Variants in CAMKV observed in about 807,000 individuals in gnomAD.
The protein encoded by CAMKV is caM kinase-like vesicle-associated protein.
Under a neutral mutation model 50.2 loss-of-function variants are expected in CAMKV, and 5 were observed. The ratio of observed to expected loss-of-function variants is 0.10; its 90% confidence interval spans 0.05 to 0.21. The LOEUF (loss-of-function observed/expected upper bound fraction) is 0.21. Among genes scored for constraint, CAMKV ranks in the 10% least tolerant of loss-of-function variants. The pLI is 1.00. For synonymous variants in CAMKV, 229 were observed against 250.1 expected (o/e 0.92, Z 0.80); for missense variants, 361 against 650.5 (o/e 0.55, Z 4.84).
chr3:49,863,125 T>C (rs1219344443), intron 1 of CAMKV, among the ~76,000 whole-genome samples: 2 of 152,216 alleles, frequency 1.3e-5, no homozygotes, highest in Non-Finnish European at 1.5e-5. Context: ...TTACACAGTG[T>C]TAAGTGCAAA....
intron 1 of CAMKV, chr3:49,863,762 C>T (rs2108331413): frequency 6.6e-6 from 1 of 152,468 alleles, no homozygotes; most frequent in African/African-American, 2.4e-5. Context: ...AAGCGATCCT[C>T]CCACCTCAGC....
At position 49,861,608 on chromosome 3, in the gene CAMKV, G is replaced by A; in HGVS notation, c.303-31C>T. ...GGACACCAGCCCCTGAGCCTGGCGTGGGCAGAATCAGGGGTAGGGCAGGAG... is the reference window on the plus strand; with the variant it reads ...GGACACCAGCCCCTGAGCCTGGCGTAGGCAGAATCAGGGGTAGGGCAGGAG... On this transcript the variant is annotated intron_variant, in intron 4 of 10. Transcript: ENST00000477224. This position sits in a 1 kb window ranked among gnomAD's most constrained non-coding sequence, Gnocchi z 7.7. 1 of 1,613,776 alleles carries A rather than the reference G, an allele frequency of 6.2e-7. No individual in the cohort carries two copies. The highest frequency in any genetic ancestry group is 8.5e-7 in the Non-Finnish European group (1 of 1,179,908).
Position 49,861,897 on chromosome 3 carries a change from G to T in CAMKV, c.228-32C>A, listed in dbSNP as rs1575407057. 2 of 1,612,068 alleles carry T rather than the reference G, an allele frequency of 1.2e-6. No homozygotes were observed. Among genetic ancestry groups the T allele is most frequent in the East Asian group, 4.5e-5 (2 of 44,798 alleles). On this transcript the variant is annotated intron_variant, in intron 3 of 10. Transcript: ENST00000477224. This position sits in a 1 kb window ranked among gnomAD's most constrained non-coding sequence, Gnocchi z 7.7. ...ACAGGGAGGGGAGCCAGTAGTTAGG[G>T]CTGGATGAACCCCTGGGAGAGGCTG... is the stretch of plus-strand genomic sequence containing the variant.
chr3:49,864,357 C>A (rs1037648146), intron 1 of CAMKV, among the ~76,000 whole-genome samples: 3 of 152,156 alleles, frequency 2.0e-5, no homozygotes, highest in Non-Finnish European at 4.4e-5. Flanking sequence ...CCACTGGGGC[C>A]CACAGGGGAC....
rs187598653 is a variant in CAMKV, at chr3:49,861,987, C to T, written c.227+58G>A. 8 of 1,611,562 alleles carry T rather than the reference C, an allele frequency of 5.0e-6. No individual in the cohort carries two copies. Among genetic ancestry groups the T allele is most frequent in the Admixed American group, 1.7e-5 (1 of 59,804 alleles). On this transcript the variant is annotated intron_variant, in intron 3 of 10. Coordinates refer to ENST00000477224, the MANE Select transcript of CAMKV (RefSeq NM_024046.5). The surrounding 1 kb of genome is among the most constrained non-coding windows in gnomAD (Gnocchi z 7.7). ...GCTGGGACTGCCTGAGGCCACTTGC[C>T]CTCTAAGCCCTTCCCTGCTGCCTCC...
chr3:49,860,332 G>T lies in CAMKV; in HGVS notation c.855-74C>A. On this transcript the variant is annotated intron_variant, in intron 9 of 10. Transcript: ENST00000477224. This position sits in a 1 kb window ranked among gnomAD's most constrained non-coding sequence, Gnocchi z 6.1. ...GAGACTCTGCTCAGCCCTTCTATGT[G>T]GCATCCAGGGACTACCAGGCAGAGC... 1 of 1,540,630 alleles carries T rather than the reference G, an allele frequency of 6.5e-7. No individual in the cohort carries two copies. The highest frequency in any genetic ancestry group is 9.0e-7 in the Non-Finnish European group (1 of 1,114,248).
rs1431122845 is a variant in CAMKV at position 49,860,367 on chromosome 3, G to T, written c.854+104C>A. 2.6e-6 allele frequency: 4 copies of T among 1,525,722 alleles called. No individual in the cohort carries two copies. Among genetic ancestry groups the T allele is most frequent in the East Asian group, 2.3e-5 (1 of 44,264 alleles). 94.5% of individuals were successfully genotyped at this position (1,525,722 alleles called of 1,614,324 possible). On this transcript the variant is annotated intron_variant, in intron 9 of 10. Transcript: ENST00000477224. This position sits in a 1 kb window ranked among gnomAD's most constrained non-coding sequence, Gnocchi z 6.1. ...GACTACCAGGCAGAGCCTCTGGGCTGCCCTGAGCTCTAGGTACCTGCACCC... is the reference window on the plus strand; with the variant it reads ...GACTACCAGGCAGAGCCTCTGGGCTTCCCTGAGCTCTAGGTACCTGCACCC...
chr3:49,858,918 G>T lies in CAMKV; in HGVS notation c.*400C>A. 5.4e-6 allele frequency: 1 copy of T among 186,664 alleles called. No individual in the cohort carries two copies. Among genetic ancestry groups the T allele is most frequent in the Non-Finnish European group, 1.1e-5 (1 of 88,946 alleles). The allele number at this position is 186,664 out of a possible 1,614,324, so 11.6% of individuals were successfully genotyped here. On this transcript the variant is annotated 3_prime_UTR_variant, in exon 11 of 11. Coordinates refer to ENST00000477224, the MANE Select transcript of CAMKV (RefSeq NM_024046.5). ...GAGGACCAGCTCTCAGGGCAAGGCC[G>T]CCCAAGTTTAGGGCCTGGGAGAGTG...
Position 49,859,676 on chromosome 3 carries a change from T to C in CAMKV, c.1148A>G (p.Asp383Gly). The change falls in exon 11 of 11, where the codon GAC becomes GGC. Residue 383 changes from aspartate (D) to glycine (G), a missense_variant. By Grantham distance (94) the Asp-to-Gly change is moderately conservative. Around this residue, in one of 4 missense-constraint regions of CAMKV, gnomAD observed 87 missense variants for 92.0 expected, o/e 0.95. Coordinates refer to ENST00000477224, the MANE Select transcript of CAMKV (RefSeq NM_024046.5). This position sits in a 1 kb window ranked among gnomAD's most constrained non-coding sequence, Gnocchi z 5.5. ...ATCTGTGGCTGGGGTGGCACTACGG[T>C]CTGCGGGGGCCACATTATCACTCTT... ...AAKSDNVAPA[D>G]RSATPATDGS... 6.2e-7 allele frequency: 1 copy of C among 1,613,894 alleles called. No individual in the cohort carries two copies.
chr3:49,868,095 G>A (rs1030673063), intron 1 of CAMKV, among the ~76,000 whole-genome samples: 1 of 152,202 alleles, frequency 6.6e-6, no homozygotes, highest in South Asian at 2.1e-4. Flanking sequence ...CAGCCCCCCA[G>A]TCAGGACAGT....
At chr3:49,864,622 C>A (rs1446502795) in intron 1 of CAMKV, among the ~76,000 whole-genome samples, 1 of 152,176 alleles carries the variant, frequency 6.6e-6, no homozygotes, top group Admixed American at 6.5e-5. Context: ...CCAGGGTGTG[C>A]CTCCATAATA....
At position 49,869,087 on chromosome 3, in the gene CAMKV, C is replaced by T. The variant is rs2082086751; in HGVS notation, c.-15+671G>A. The stretch of plus-strand genomic sequence containing the variant: ...ACCCTGACCCCTTTCCCAAGTGCTG[C>T]TGGCTCGCCCCCGCTGGCACAGCAA... On this transcript the variant is annotated intron_variant, in intron 1 of 10. Transcript: ENST00000477224. The surrounding 1 kb of genome is among the most constrained non-coding windows in gnomAD (Gnocchi z 5.2). 1.3e-5 allele frequency among the ~76,000 whole-genome samples: 2 copies of T among 152,228 alleles called. No homozygotes were observed. The highest frequency in any genetic ancestry group is 2.9e-5 in the Non-Finnish European group (2 of 68,032).
Position 49,859,104 on chromosome 3 carries a change from G to A in CAMKV, c.*214C>T. 1 of 473,238 alleles carries A rather than the reference G, an allele frequency of 2.1e-6. No homozygotes were observed. The highest frequency in any genetic ancestry group is 3.7e-6 in the Non-Finnish European group (1 of 271,198). 29.3% of individuals were successfully genotyped at this position (473,238 alleles called of 1,614,324 possible). A position where few individuals can be genotyped will look rare whatever the true frequency, so the allele number is the denominator to read the frequency against. On this transcript the variant is annotated 3_prime_UTR_variant, in exon 11 of 11. Transcript: ENST00000477224. The surrounding 1 kb of genome is among the most constrained non-coding windows in gnomAD (Gnocchi z 5.5). ...GCCACAAGGAATCCATGCAGGGGCTGGGGCCGGCCCTGCCACTGGCCTGCC... is the reference window on the plus strand; with the variant it reads ...GCCACAAGGAATCCATGCAGGGGCTAGGGCCGGCCCTGCCACTGGCCTGCC...
At chr3:49,866,048 C>T (rs566480701) in intron 1 of CAMKV, among the ~76,000 whole-genome samples, 1 of 152,314 alleles carries the variant, frequency 6.6e-6, no homozygotes, top group African/African-American at 2.4e-5. Context: ...GAGATGGGAA[C>T]AGATCTGTCT....
rs918186864 is a variant in CAMKV at position 49,865,855 on chromosome 3, C to T, written c.-14-3453G>A. Among the ~76,000 whole-genome samples the T allele has an allele frequency of 2.0e-5, 3 of 152,220 alleles. No homozygotes were observed. The East Asian group carries it at 5.8e-4, about 29-fold the overall frequency. On this transcript the variant is annotated intron_variant, in intron 1 of 10. Coordinates refer to ENST00000477224, the MANE Select transcript of CAMKV (RefSeq NM_024046.5). ...ACAGCTCCCAGCTTTGCCAGTGTGG[C>T]GTGGGTGGGAGGTTTTGTGCATGCC...
At position 49,859,574 on chromosome 3, in the gene CAMKV, C is replaced by G; in HGVS notation, c.1250G>C (p.Ser417Thr). The G allele has an allele frequency of 6.2e-7, 1 of 1,614,188 alleles. No individual in the cohort carries two copies. Among genetic ancestry groups the G allele is most frequent in the Non-Finnish European group, 8.5e-7 (1 of 1,180,026 alleles). The change falls in exon 11 of 11, where the codon AGT (serine) becomes ACT (threonine). Residue 417 changes from serine (S) to threonine (T), a missense_variant. By Grantham distance (58) the Ser-to-Thr change is moderately conservative (BLOSUM62 1). Coordinates refer to ENST00000477224, the MANE Select transcript of CAMKV (RefSeq NM_024046.5). The surrounding 1 kb of genome is among the most constrained non-coding windows in gnomAD (Gnocchi z 5.5). ...GCTCCTGTCAGTGGCTGGGGTGACA[C>G]TCCCATCAGTGGCTGGAGTGATGCT... is the stretch of plus-strand genomic sequence containing the variant. Reference protein sequence around the residue: ...DGSITPATDGSVTPATDRSAT... With the variant: ...DGSITPATDGTVTPATDRSAT...
intron 1 of CAMKV, among the ~76,000 whole-genome samples, chr3:49,867,365 A>C (rs1329242799): frequency 2.6e-5 from 4 of 152,148 alleles, no homozygotes; most frequent in African/African-American, 9.7e-5. Context: ...ATGAGGGAGT[A>C]TTGTGGGGAG....
rs1239280340 is a variant in CAMKV at position 49,861,907 on chromosome 3, C to A, written c.228-42G>T. ...GAGCCAGTAGTTAGGGCTGGATGAA[C>A]CCCTGGGAGAGGCTGTGGTCACCAC... is the stretch of plus-strand genomic sequence containing the variant. On this transcript the variant is annotated intron_variant, in intron 3 of 10. Transcript: ENST00000477224. The surrounding 1 kb of genome is among the most constrained non-coding windows in gnomAD (Gnocchi z 7.7). 3 of 1,610,832 alleles carry A rather than the reference C, an allele frequency of 1.9e-6. No individual in the cohort carries two copies. In the East Asian group the frequency reaches 6.7e-5, roughly 36 times the overall value.
chr3:49,867,269 G>A (rs1390047388), intron 1 of CAMKV, among the ~76,000 whole-genome samples: 2 of 152,250 alleles, frequency 1.3e-5, no homozygotes, highest in African/African-American at 4.8e-5. Context: ...TTGCTTCAGG[G>A]GACCGGTCAA....
Sources: gnomAD v4.1 joint callset for allele counts (sites outside exome capture counted in the v4.1 genomes callset) on GRCh38, gnomAD v4.1.1 for gene constraint, gnomAD v4.1.1 regional missense constraint, Gnocchi (gnomAD v3.1) non-coding constraint, MANE v1.5 for transcripts, NCBI Gene and HGNC (gene_info 2026-07-23, HGNC 2026-07-21) for gene names.